The following CACNA2D1 variants were observed in gnomAD, a reference collection of about 807,000 sequenced individuals.
CACNA2D1 encodes calcium voltage-gated channel auxiliary subunit alpha2delta 1.
CACNA2D1 carries 53 observed loss-of-function variants against 171.5 expected under a neutral mutation model. That is an observed-to-expected ratio of 0.31 (90% CI 0.25 to 0.39). The LOEUF (loss-of-function observed/expected upper bound fraction) is 0.39. Ranked by LOEUF, CACNA2D1 falls within the 10% of genes least tolerant of loss-of-function variation. The pLI is 1.00. For synonymous variants in CACNA2D1, 442 were observed against 443.1 expected, an observed-to-expected ratio of 1.00 and a Z score of 0.03; for missense variants, 903 against 1,299.8, an observed-to-expected ratio of 0.69 and a Z score of 4.69.
intron 5 of CACNA2D1, among the ~76,000 whole-genome samples, chr7:82,119,735 A>G (rs1317209244): frequency 6.6e-6 from 1 of 152,234 alleles, no homozygotes; most frequent in African/African-American, 2.4e-5. Context: ...GCTTGCAATC[A>G]TACTATGGCT....
At chr7:82,327,645 G>T (rs1339892637) in intron 3 of CACNA2D1, among the ~76,000 whole-genome samples, 1 of 152,158 alleles carries the variant, frequency 6.6e-6, no homozygotes, top group Non-Finnish European at 1.5e-5. Flanking sequence ...TGGAGAATGT[G>T]GTAGAGGTCT....
rs1250819278 is a variant in CACNA2D1 at position 81,965,677 on chromosome 7, A to G, written c.2503-12T>C. 6.5e-7 allele frequency: 1 copy of G among 1,532,130 alleles called. No homozygotes were observed. The highest frequency in any genetic ancestry group is 2.3e-5 in the East Asian group (1 of 44,314). The allele number at this position is 1,532,130 out of a possible 1,614,324, so 94.9% of individuals were successfully genotyped here. On this transcript the variant is annotated splice_polypyrimidine_tract_variant and intron_variant, in intron 31 of 38. Coordinates refer to ENST00000356860, the MANE Select transcript of CACNA2D1 (RefSeq NM_000722.4). ...ACACAATCCATTACCTATCAAAATA[A>G]AGTGAACAGTTAACACATTTTTAGA...
At chr7:82,391,902 T>G (rs1051036482) in intron 1 of CACNA2D1, among the ~76,000 whole-genome samples, 3 of 152,238 alleles carry the variant, frequency 2.0e-5, no homozygotes, top group African/African-American at 4.8e-5. Context: ...GAGTTTGACA[T>G]AAACTTTCCT....
intron 1 of CACNA2D1, among the ~76,000 whole-genome samples, chr7:82,434,828 C>T (rs763804971): frequency 3.9e-5 from 6 of 152,080 alleles, no homozygotes; most frequent in Admixed American, 6.6e-5. Flanking sequence ...TTTCTTTCAT[C>T]AGTGGCCTGA....
rs1792246118 is a variant in CACNA2D1, at chr7:81,948,778, C to G, written c.*1614G>C. 6.6e-6 allele frequency: 1 copy of G among 151,870 alleles called. No homozygotes were observed. The highest frequency in any genetic ancestry group is 1.5e-5 in the Non-Finnish European group (1 of 67,850). The allele number at this position is 151,870 out of a possible 1,614,324, so 9.4% of individuals were successfully genotyped here. On this transcript the variant is annotated 3_prime_UTR_variant, in exon 39 of 39. Coordinates refer to ENST00000356860, the MANE Select transcript of CACNA2D1 (RefSeq NM_000722.4). ...GTTCAGCCTTCAGTAAAATTATTAA[C>G]TATTCTTAGAATTACACATTCATAG...
intron 5 of CACNA2D1, among the ~76,000 whole-genome samples, chr7:82,119,564 G>A (rs1200748997): frequency 6.6e-6 from 1 of 152,014 alleles, no homozygotes; most frequent in African/African-American, 2.4e-5. Flanking sequence ...TTTATAAAAA[G>A]CATTGATTTT....
At chr7:82,434,577 A>T (rs545686934) in intron 1 of CACNA2D1, among the ~76,000 whole-genome samples, 1 of 152,200 alleles carries the variant, frequency 6.6e-6, no homozygotes, top group East Asian at 1.9e-4. Context: ...CTATGTGTCC[A>T]CGTGTTCTCA....
intron 3 of CACNA2D1, among the ~76,000 whole-genome samples, chr7:82,321,817 G>A (rs1414179461): frequency 6.6e-6 from 1 of 152,070 alleles, no homozygotes; most frequent in African/African-American, 2.4e-5. Context: ...CAGATGTTAG[G>A]AATCATTTCT....
intron 12 of CACNA2D1, among the ~76,000 whole-genome samples, chr7:82,031,894 C>A (rs79710846): frequency 4.0e-5 from 6 of 151,892 alleles, no homozygotes; most frequent in African/African-American, 1.5e-4. Flanking sequence ...GGGCATTTTA[C>A]CCTGCAGAGT....
rs183594633 is a variant in CACNA2D1, at chr7:82,089,078, C to T, written c.527-4178G>A. Among the ~76,000 whole-genome samples the T allele has an allele frequency of 9.1e-3, 1,388 of 152,244 alleles. 13 individuals are homozygous for T. The highest frequency in any genetic ancestry group is 0.013 in the Non-Finnish European group (911 of 67,998). On this transcript the variant is annotated intron_variant, in intron 6 of 38. Transcript: ENST00000356860. Reference sequence around the variant, plus strand: ...TAACAGGTCAGGGACCCAGACCGGTCCATGGCCCAGGGGCTGGGGACCTTT... The same window carrying T: ...TAACAGGTCAGGGACCCAGACCGGTTCATGGCCCAGGGGCTGGGGACCTTT...
rs551795714 is a variant in CACNA2D1, at chr7:82,427,544, T to C, written c.95+15821A>G. Among the ~76,000 whole-genome samples the C allele has an allele frequency of 4.6e-5, 7 of 152,298 alleles. No homozygotes were observed. The South Asian group carries it at 8.3e-4, about 18-fold the overall frequency. Reference sequence around the variant, plus strand: ...CCCATGTCACCTGATTAGACTGTTATCCTGCTTCTAATCAGAGTATATTTG... The same window carrying C: ...CCCATGTCACCTGATTAGACTGTTACCCTGCTTCTAATCAGAGTATATTTG... On this transcript the variant is annotated intron_variant, in intron 1 of 38. Coordinates refer to ENST00000356860, the MANE Select transcript of CACNA2D1 (RefSeq NM_000722.4).
intron 2 of CACNA2D1, among the ~76,000 whole-genome samples, chr7:82,346,795 A>G (rs1398388516): frequency 1.3e-5 from 2 of 152,182 alleles, no homozygotes; most frequent in Non-Finnish European, 2.9e-5. Flanking sequence ...GAGCATTAGC[A>G]TAATCTGATA....
intron 5 of CACNA2D1, among the ~76,000 whole-genome samples, chr7:82,121,393 T>C (rs899524946): frequency 2.0e-5 from 3 of 152,114 alleles, no homozygotes; most frequent in Non-Finnish European, 1.5e-5. Flanking sequence ...CTTGGATCAA[T>C]GAGAATGAAG....
At chr7:82,130,082 C>G (rs962765189) in intron 5 of CACNA2D1, among the ~76,000 whole-genome samples, 4 of 152,178 alleles carry the variant, frequency 2.6e-5, no homozygotes, top group Non-Finnish European at 4.4e-5. Context: ...AACTATACTT[C>G]AGAACATTCC....
intron 26 of CACNA2D1, 92 bp downstream of exon 26, chr7:81,971,685 T>G: frequency 1.3e-6 from 1 of 758,492 alleles, no homozygotes; most frequent in Non-Finnish European, 2.4e-6. Flanking sequence ...ATTAATGAAC[T>G]GTAAATTTAT....
intron 7 of CACNA2D1, 97 bp downstream of exon 7, chr7:82,084,672 A>T (rs1422827352): frequency 7.7e-7 from 1 of 1,301,714 alleles, no homozygotes; most frequent in African/African-American, 1.4e-5. Context: ...AGTGTGATAT[A>T]GTCATATTTT....
At chr7:82,289,530 T>C (rs572875944) in intron 3 of CACNA2D1, among the ~76,000 whole-genome samples, 1 of 152,214 alleles carries the variant, frequency 6.6e-6, no homozygotes, top group Non-Finnish European at 1.5e-5. Context: ...TTTAACCAAC[T>C]ACATAATTAA....
chr7:82,249,052 T>C (rs1038842229), intron 3 of CACNA2D1, among the ~76,000 whole-genome samples: 1 of 150,646 alleles, frequency 6.6e-6, no homozygotes, highest in African/African-American at 2.4e-5. Context: ...GAAAGCGGAG[T>C]TTGCAGTGAG....
intron 3 of CACNA2D1, among the ~76,000 whole-genome samples, chr7:82,180,105 G>A (rs1284752413): frequency 4.6e-5 from 7 of 152,102 alleles, no homozygotes; most frequent in African/African-American, 1.7e-4. Context: ...CATGTCACAT[G>A]AACAGAGGCA....
Sources: allele counts gnomAD v4.1 joint callset (sites outside exome capture counted in the v4.1 genomes callset), GRCh38; gene constraint gnomAD v4.1.1; transcripts MANE v1.5; gene names NCBI Gene and HGNC (gene_info 2026-07-23, HGNC 2026-07-21).